ADAM12: variants seen among roughly 807,000 people sequenced by gnomAD.
The protein encoded by ADAM12 is ADAM metallopeptidase domain 12, also known as disintegrin and metalloproteinase domain-containing protein 12.
ADAM12 carries 70 observed loss-of-function variants against 106.4 expected under a neutral mutation model. That is an observed-to-expected ratio of 0.66 (90% CI 0.54 to 0.80). The LOEUF is 0.80. Among genes scored for constraint, ADAM12 ranks in the 30% least tolerant of loss-of-function variants. The probability of loss-of-function intolerance (pLI) is 0.00; values close to 1 mark genes in which losing one functional copy is unlikely to be tolerated. For missense variants in ADAM12, 1,010 were observed against 1,171.9 expected (o/e 0.86, Z 2.02); for synonymous variants, 420 against 433.5 (o/e 0.97, Z 0.39).
At chr10:126,308,442 T>C (rs1960942573) in intron 2 of ADAM12, among the ~76,000 whole-genome samples, 1 of 152,218 alleles carries the variant, frequency 6.6e-6, no homozygotes, top group Admixed American at 6.5e-5. Flanking sequence ...CCAGAAATTA[T>C]ATGTAAATTT....
chr10:126,334,971 T>C (rs759164844), intron 1 of ADAM12, among the ~76,000 whole-genome samples: 14 of 152,334 alleles, frequency 9.2e-5, no homozygotes, highest in Admixed American at 2.0e-4. Context: ...AAATGAAAAC[T>C]GCATTCTCTC....
chr10:126,083,808 C>G (rs1479456348), intron 11 of ADAM12, among the ~76,000 whole-genome samples: 1 of 152,196 alleles, frequency 6.6e-6, no homozygotes, highest in African/African-American at 2.4e-5. Flanking sequence ...ACTCTGCCTG[C>G]CCAGCGGTGC....
intron 1 of ADAM12, among the ~76,000 whole-genome samples, chr10:126,384,682 G>C (rs1477529625): frequency 6.6e-6 from 1 of 152,134 alleles, no homozygotes; most frequent in African/African-American, 2.4e-5. Flanking sequence ...AAGTAAAATA[G>C]AGGTTGCGTA....
chr10:126,098,454 T>G lies in ADAM12; in HGVS notation c.958A>C (p.Ser320Arg). The G allele has an allele frequency of 6.2e-7, 1 of 1,614,138 alleles. No homozygotes were observed. The change falls in exon 10 of 23, where the codon AGC becomes CGC. Residue 320 changes from serine to arginine, a missense_variant. By Grantham distance (110) the Ser-to-Arg change is moderately radical. Around this residue, in one of 3 missense-constraint regions of ADAM12, gnomAD observed 391 missense variants for 442.9 expected, o/e 0.88. Coordinates refer to ENST00000448723, the MANE Select transcript of ADAM12 (RefSeq NM_001288973.2). ...GTTIGMAPIMSMCTADQSGGI... is the reference protein window; with the variant it reads ...GTTIGMAPIMRMCTADQSGGI... ...CCAGACTGGTCTGCCGTGCACATGC[T>G]CATGATTGGGGCCATGCCGATGGTG...
chr10:126,077,590 G>C (rs35699191), intron 11 of ADAM12, among the ~76,000 whole-genome samples: 27,186 of 151,926 alleles, frequency 0.18, 2,861 homozygotes, highest in South Asian at 0.28. Context: ...AATAAACCCC[G>C]ACACCTATAA....
intron 2 of ADAM12, among the ~76,000 whole-genome samples, chr10:126,307,497 G>T (rs1300328771): frequency 6.6e-6 from 1 of 151,900 alleles, no homozygotes; most frequent in Admixed American, 6.6e-5. Flanking sequence ...GAGATTCCAG[G>T]CATGCACAAC....
chr10:126,277,896 G>A (rs149085825), intron 3 of ADAM12, among the ~76,000 whole-genome samples: 2,450 of 152,284 alleles, frequency 0.016, 45 homozygotes, highest in African/African-American at 0.045. Flanking sequence ...CGGGCTGGCT[G>A]TTGATTGACT....
At chr10:126,249,918 C>T (rs537798133) in intron 3 of ADAM12, among the ~76,000 whole-genome samples, 3 of 152,274 alleles carry the variant, frequency 2.0e-5, no homozygotes, top group African/African-American at 7.2e-5. Flanking sequence ...CTGCAAATTC[C>T]TTAAAGGGAG....
At chr10:126,295,548 TAC>T (rs147578888) in intron 2 of ADAM12, among the ~76,000 whole-genome samples, 2,769 of 146,414 alleles carry the variant, frequency 0.019, 52 homozygotes, top group African/African-American at 0.05. Flanking sequence ...CACACACACA[TAC>T]ACACACACAC....
At chr10:126,217,777 G>A (rs973714760) in intron 3 of ADAM12, among the ~76,000 whole-genome samples, 1 of 151,270 alleles carries the variant, frequency 6.6e-6, no homozygotes, top group Non-Finnish European at 1.5e-5. Flanking sequence ...TTCGAGACCA[G>A]CCTGGCCAAC....
chr10:126,229,008 T>C (rs1219159538), intron 3 of ADAM12, among the ~76,000 whole-genome samples: 1 of 152,240 alleles, frequency 6.6e-6, no homozygotes, highest in East Asian at 1.9e-4. Context: ...CAATACCTTT[T>C]TGTGGTTCCC....
intron 1 of ADAM12, among the ~76,000 whole-genome samples, chr10:126,356,350 C>T (rs1463769677): frequency 1.3e-5 from 2 of 152,194 alleles, no homozygotes; most frequent in South Asian, 2.1e-4. Context: ...CACCTGACAC[C>T]TGAGCCCAGC....
intron 11 of ADAM12, among the ~76,000 whole-genome samples, chr10:126,083,118 T>TA (rs1305175122): frequency 1.3e-5 from 2 of 152,218 alleles, no homozygotes; most frequent in African/African-American, 4.8e-5. Flanking sequence ...AGGGGCTTTT[T>TA]ACTCCATGCT....
intron 16 of ADAM12, among the ~76,000 whole-genome samples, chr10:126,047,608 C>T (rs142706614): frequency 1.2e-4 from 19 of 152,210 alleles, no homozygotes; most frequent in African/African-American, 4.3e-4. Flanking sequence ...AAAAAGGTGT[C>T]AGTCAGAATG....
Position 126,014,137 on chromosome 10 carries a change from C to A in ADAM12, c.*3142G>T. ...GAAAGATCTGGCCCTGCTGCCCTGG[C>A]GCCACCTTGTGCCCTTTCTGCTGCT... is the stretch of plus-strand genomic sequence containing the variant. On this transcript the variant is annotated 3_prime_UTR_variant, in exon 23 of 23. Transcript: ENST00000448723. 6.5e-6 allele frequency: 1 copy of A among 152,770 alleles called. No homozygotes were observed. Among genetic ancestry groups the A allele is most frequent in the Non-Finnish European group, 1.5e-5 (1 of 68,502 alleles). The allele number at this position is 152,770 out of a possible 1,614,324, so 9.5% of individuals were successfully genotyped here.
intron 3 of ADAM12, among the ~76,000 whole-genome samples, chr10:126,241,599 A>G (rs1212279573): frequency 6.6e-6 from 1 of 152,208 alleles, no homozygotes; most frequent in Non-Finnish European, 1.5e-5. Flanking sequence ...TGTTGAGGCC[A>G]TGACAAAGCA....
chr10:126,158,647 ATGGGTTGGGGGATG>A, intron 3 of ADAM12, among the ~76,000 whole-genome samples: 1 of 133,278 alleles, frequency 7.5e-6, no homozygotes. Flanking sequence ...TGCACAGAGC[ATGGGTTGGGGGATG>A]CACAGAGCAC....
chr10:126,176,094 G>A (rs897148154), intron 3 of ADAM12, among the ~76,000 whole-genome samples: 1 of 152,170 alleles, frequency 6.6e-6, no homozygotes, highest in Non-Finnish European at 1.5e-5. Flanking sequence ...CGATCCTCAG[G>A]GGGTCAGAGA....
intron 3 of ADAM12, among the ~76,000 whole-genome samples, chr10:126,275,413 T>G (rs1259218480): frequency 6.6e-6 from 1 of 152,146 alleles, no homozygotes; most frequent in East Asian, 1.9e-4. Context: ...GCATCCAATC[T>G]TTTCATAAAT....
Sources: gnomAD v4.1 joint callset for allele counts (sites outside exome capture counted in the v4.1 genomes callset) on GRCh38, gnomAD v4.1.1 for gene constraint, gnomAD v4.1.1 regional missense constraint, MANE v1.5 for transcripts, NCBI Gene and HGNC (gene_info 2026-07-23, HGNC 2026-07-21) for gene names.